The following LRP1 variants were observed in gnomAD, a reference collection of about 807,000 sequenced individuals.
LRP1 encodes the protein LDL receptor related protein 1.
In LRP1, 51 loss-of-function variants were observed where a neutral mutation model predicts 541.5. That is an observed-to-expected ratio of 0.09 (90% confidence interval 0.08 to 0.12). The LOEUF (loss-of-function observed/expected upper bound fraction) is 0.12. Ranked by LOEUF, LRP1 falls within the 10% of genes least tolerant of loss-of-function variation. The pLI, the probability that LRP1 is intolerant of heterozygous loss-of-function variation, is 1.00. For missense variants in LRP1, 3,878 were observed against 6,376.2 expected (o/e 0.61, Z 13.34); for synonymous variants, 2,219 against 2,470.8 (o/e 0.90, Z 3.02).
rs763156261 is a variant in LRP1 at position 57,212,101 on chromosome 12, T to C, written c.13350-16T>C. 3.1e-6 allele frequency: 5 copies of C among 1,613,722 alleles called. No homozygotes were observed. Among genetic ancestry groups the C allele is most frequent in the Middle Eastern group, 1.6e-4 (1 of 6,062 alleles). ...CCCAATAATCTCTGTCTCCTTATACTCCTGCCTTTCCCCAGGGCTAAGGGC... is the reference window on the plus strand; with the variant it reads ...CCCAATAATCTCTGTCTCCTTATACCCCTGCCTTTCCCCAGGGCTAAGGGC... On this transcript the variant is annotated splice_polypyrimidine_tract_variant and intron_variant, in intron 87 of 88. Coordinates refer to ENST00000243077, the MANE Select transcript of LRP1 (RefSeq NM_002332.3). The surrounding 1 kb of genome is among the most constrained non-coding windows in gnomAD (Gnocchi z 5.0).
Position 57,196,058 on chromosome 12 carries a change from G to A in LRP1, c.8702-29G>A, listed in dbSNP as rs369122829. 10 of 1,609,928 alleles carry A rather than the reference G, an allele frequency of 6.2e-6. No homozygotes were observed. The Admixed American group carries it at 6.7e-5, about 11-fold the overall frequency. ...CCCTCCCCAGACTGCCTGAGACCCC[G>A]CTGACCTGCCGCCTCCGCCCCTCCG... is the stretch of plus-strand genomic sequence containing the variant. On this transcript the variant is annotated intron_variant, in intron 54 of 88. Transcript: ENST00000243077.
chr12:57,163,941 C>T (rs763116010), intron 15 of LRP1, among the ~76,000 whole-genome samples: 24 of 152,064 alleles, frequency 1.6e-4, no homozygotes, highest in African/African-American at 5.1e-4. Flanking sequence ...GAGCCCAAGG[C>T]GGGTGAATCA....
At position 57,201,976 on chromosome 12, in the gene LRP1, G is replaced by T; in HGVS notation, c.10594+71G>T. On this transcript the variant is annotated intron_variant, in intron 67 of 88. Transcript: ENST00000243077. This position sits in a 1 kb window ranked among gnomAD's most constrained non-coding sequence, Gnocchi z 6.4. Reference sequence around the variant, plus strand: ...GGAGGCATGGCACCCCTGGCAGGTGGAGGGCTGGGGGCCGCCTGCTTACCG... The same window carrying T: ...GGAGGCATGGCACCCCTGGCAGGTGTAGGGCTGGGGGCCGCCTGCTTACCG... 1 of 1,592,382 alleles carries T rather than the reference G, an allele frequency of 6.3e-7. No individual in the cohort carries two copies. Among genetic ancestry groups the T allele is most frequent in the Non-Finnish European group, 8.6e-7 (1 of 1,164,222 alleles).
intron 44 of LRP1, 81 bp downstream of exon 44, chr12:57,191,593 GCACATACCACACGCACCCTA>G: frequency 3.1e-6 from 4 of 1,280,602 alleles, no homozygotes; most frequent in African/African-American, 1.6e-5. Context: ...CACACACATC[GCACATACCACACGCACCCTA>G]CACATACCAC....
At chr12:57,209,288 C>G (rs34576916) in intron 79 of LRP1, 89 bp downstream of exon 79, 471 of 1,043,424 alleles carry the variant, frequency 4.5e-4, no homozygotes, top group Non-Finnish European at 5.0e-4. Context: ...TTCAATGCCT[C>G]CCATCCTTTG....
At chr12:57,163,877 C>T (rs1010608291) in intron 15 of LRP1, among the ~76,000 whole-genome samples, 17 of 152,036 alleles carry the variant, frequency 1.1e-4, no homozygotes, top group Non-Finnish European at 1.8e-4. Context: ...CATTGTAAAA[C>T]GGAGTAAGTA....
chr12:57,141,250 A>G (rs2035284062), intron 2 of LRP1, 124 bp from the exon 3 acceptor site: 2 of 1,074,130 alleles, frequency 1.9e-6, no homozygotes, highest in Non-Finnish European at 2.7e-6. Context: ...GGAAGAGTCT[A>G]ACTAGCCCCG....
intron 6 of LRP1, among the ~76,000 whole-genome samples, chr12:57,152,555 G>T (rs1046963000): frequency 2.0e-5 from 3 of 152,144 alleles, no homozygotes; most frequent in African/African-American, 7.2e-5. Context: ...GTGGGGCAAA[G>T]AATTTGGTTG....
rs1193625113 is a variant in LRP1, at chr12:57,138,479, A to G, written c.88A>G (p.Lys30Glu). The change falls in exon 2 of 89, where the codon AAG (lysine) becomes GAG (glutamate). Residue 30 changes from lysine (K) to glutamate (E), a missense_variant. Physicochemically the swap from Lys to Glu is moderately conservative, Grantham distance 56 (BLOSUM62 1). Coordinates refer to ENST00000243077, the MANE Select transcript of LRP1 (RefSeq NM_002332.3). ...CCTAGCCCCTAAGACTTGCAGCCCC[A>G]AGCAGTTTGCCTGCAGAGATCAAAT... ...AIDAPKTCSP[K>E]QFACRDQITC... 7 of 1,613,834 alleles carry G rather than the reference A, an allele frequency of 4.3e-6. No individual in the cohort carries two copies. The highest frequency in any genetic ancestry group is 5.9e-6 in the Non-Finnish European group (7 of 1,179,942).
chr12:57,134,853 C>A (rs539956120), intron 1 of LRP1, among the ~76,000 whole-genome samples: 1 of 152,260 alleles, frequency 6.6e-6, no homozygotes, highest in Non-Finnish European at 1.5e-5. Context: ...CTACAGGCGC[C>A]TGCCACCACG....
intron 68 of LRP1, 79 bp downstream of exon 68, chr12:57,202,616 G>A (rs1262134210): frequency 1.7e-5 from 19 of 1,096,326 alleles, no homozygotes; most frequent in Admixed American, 9.3e-5. Flanking sequence ...GCCACAGGCC[G>A]CGCCAGAGCT....
rs2036327656 is a variant in LRP1, at chr12:57,189,162, CCCT to C, written c.7032-1639_7032-1637del. Among the ~76,000 whole-genome samples the C allele has an allele frequency of 1.3e-5, 2 of 152,202 alleles. No individual in the cohort carries two copies. Among genetic ancestry groups the C allele is most frequent in the African/African-American group, 2.4e-5 (1 of 41,454 alleles). On this transcript the variant is annotated intron_variant, in intron 42 of 88. Transcript: ENST00000243077. This position sits in a 1 kb window ranked among gnomAD's most constrained non-coding sequence, Gnocchi z 4.4. ...ACCTACCCCAGGAAAGCCTCTCTCT[CCCT>C]CCTGCCCCATTCCTGGGAAGCAGGT...
At chr12:57,133,890 G>A (rs2035094898) in intron 1 of LRP1, among the ~76,000 whole-genome samples, 1 of 151,966 alleles carries the variant, frequency 6.6e-6, no homozygotes, top group African/African-American at 2.4e-5. Flanking sequence ...TCAAAGGATG[G>A]GTTCCCCTCC....
At chr12:57,146,037 C>T (rs1035704970) in intron 6 of LRP1, among the ~76,000 whole-genome samples, 2 of 152,122 alleles carry the variant, frequency 1.3e-5, no homozygotes, top group Admixed American at 6.5e-5. Context: ...GGGAGAGGAG[C>T]GTGAGCCACA....
rs914790180 is a variant in LRP1 at position 57,177,071 on chromosome 12, A to G, written c.4022A>G (p.Tyr1341Cys). 1 of 1,614,142 alleles carries G rather than the reference A, an allele frequency of 6.2e-7. No individual in the cohort carries two copies. Among genetic ancestry groups the G allele is most frequent in the Non-Finnish European group, 8.5e-7 (1 of 1,180,030 alleles). The part of the protein sequence containing the change: ...ALTSFEVVIQ[Y>C]GLATPEGLAV... Reference sequence around the variant, plus strand: ...ACTAGTTTCGAGGTGGTGATTCAGTATGGCCTGGCCACACCCGAGGGCCTG... The same window carrying G: ...ACTAGTTTCGAGGTGGTGATTCAGTGTGGCCTGGCCACACCCGAGGGCCTG... Residue 1341 changes from tyrosine to cysteine, a missense_variant, in exon 25 of 89, where the codon TAT (tyrosine) becomes TGT (cysteine). Physicochemically the swap from Tyr to Cys is radical, Grantham distance 194. Around this residue, in one of 13 missense-constraint regions of LRP1, gnomAD observed 320 missense variants for 547.9 expected, o/e 0.58. Coordinates refer to ENST00000243077, the MANE Select transcript of LRP1 (RefSeq NM_002332.3). This position sits in a 1 kb window ranked among gnomAD's most constrained non-coding sequence, Gnocchi z 6.8.
chr12:57,176,565 G>A (rs1191971740), intron 24 of LRP1, among the ~76,000 whole-genome samples: 1 of 152,198 alleles, frequency 6.6e-6, no homozygotes, highest in Non-Finnish European at 1.5e-5. Flanking sequence ...GGTCCCCTGA[G>A]AAGGTGACAT....
intron 12 of LRP1, among the ~76,000 whole-genome samples, chr12:57,160,309 G>A (rs540385917): frequency 1.3e-5 from 2 of 152,234 alleles, no homozygotes; most frequent in South Asian, 4.2e-4. Context: ...CCTGGCCCTT[G>A]TCTGACCTCA....
rs141307381 is a variant in LRP1, at chr12:57,204,660, G to A, written c.11105G>A (p.Arg3702His). ...GTGTGCCCTCCCAACCGGCCCTTCCGTTGCAAGAATGACCGCGTCTGTCTG... is the reference window on the plus strand; with the variant it reads ...GTGTGCCCTCCCAACCGGCCCTTCCATTGCAAGAATGACCGCGTCTGTCTG... The part of the protein sequence containing the change: ...RFVCPPNRPF[R>H]CKNDRVCLWI... The change falls in exon 72 of 89, where the codon CGT becomes CAT. Residue 3702 changes from arginine (R) to histidine (H), a missense_variant. Coordinates refer to ENST00000243077, the MANE Select transcript of LRP1 (RefSeq NM_002332.3). This position sits in a 1 kb window ranked among gnomAD's most constrained non-coding sequence, Gnocchi z 5.3. 35 of 1,613,910 alleles carry A rather than the reference G, an allele frequency of 2.2e-5. No individual in the cohort carries two copies. The highest frequency in any genetic ancestry group is 4.5e-5 in the East Asian group (2 of 44,880).
chr12:57,130,083 C>T (rs937007626), intron 1 of LRP1, among the ~76,000 whole-genome samples: 2 of 152,088 alleles, frequency 1.3e-5, no homozygotes, highest in African/African-American at 4.8e-5. Flanking sequence ...TTGTGAGTCA[C>T]TGGTTCAAGT....
Sources: allele counts gnomAD v4.1 joint callset (sites outside exome capture counted in the v4.1 genomes callset), GRCh38; gene constraint gnomAD v4.1.1; regional missense constraint gnomAD v4.1.1; non-coding constraint Gnocchi (gnomAD v3.1); transcripts MANE v1.5; gene names NCBI Gene and HGNC (gene_info 2026-07-23, HGNC 2026-07-21).